Variants in GMDS observed in about 807,000 individuals in gnomAD.
The protein encoded by GMDS is GDP-mannose 4,6 dehydratase.
GMDS carries 20 observed loss-of-function variants against 49.9 expected under a neutral mutation model. That is an observed-to-expected ratio of 0.40 (90% confidence interval 0.28 to 0.58). The LOEUF is 0.58. Among genes scored for constraint, GMDS ranks in the 20% least tolerant of loss-of-function variants. The pLI is 0.42. For missense variants in GMDS, 362 were observed against 481.4 expected, an observed-to-expected ratio of 0.75 and a Z score of 2.32; for synonymous variants, 177 against 178.6, an observed-to-expected ratio of 0.99 and a Z score of 0.07.
chr6:1,888,642 A>G (rs1759729024), intron 7 of GMDS, among the ~76,000 whole-genome samples: 1 of 152,148 alleles, frequency 6.6e-6, no homozygotes, highest in African/African-American at 2.4e-5. Context: ...AGAACCAATC[A>G]TGCCTTCCCA....
chr6:2,114,358 T>C (rs1332185479), intron 4 of GMDS, among the ~76,000 whole-genome samples: 1 of 152,146 alleles, frequency 6.6e-6, no homozygotes, highest in Admixed American at 6.5e-5. Flanking sequence ...ACTTATAATG[T>C]GGAAGATAGA....
intron 4 of GMDS, among the ~76,000 whole-genome samples, chr6:1,972,058 G>A (rs1764641817): frequency 6.6e-6 from 1 of 152,000 alleles, no homozygotes; most frequent in South Asian, 2.1e-4. Flanking sequence ...GTTGAGTTCT[G>A]CACCCCGCAC....
intron 9 of GMDS, among the ~76,000 whole-genome samples, chr6:1,716,663 C>T (rs909501095): frequency 1.3e-5 from 2 of 152,066 alleles, no homozygotes; most frequent in Non-Finnish European, 2.9e-5. Context: ...TCAGGGTTCC[C>T]AGACTGGGCC....
chr6:2,191,136 C>G lies in GMDS; in HGVS notation c.102+54185G>C, dbSNP rs941772086. ...CAAGGGTGCCGTGTTCTTGCGCCCC[C>G]AGAGAGGACTCTGCACAGGGCCACC... On this transcript the variant is annotated intron_variant, in intron 1 of 10. Coordinates refer to ENST00000380815, the MANE Select transcript of GMDS (RefSeq NM_001500.4). This position sits in a 1 kb window ranked among gnomAD's most constrained non-coding sequence, Gnocchi z 4.6. 2.0e-5 allele frequency among the ~76,000 whole-genome samples: 3 copies of G among 152,250 alleles called. No homozygotes were observed. The South Asian group carries it at 6.2e-4, about 32-fold the overall frequency.
intron 4 of GMDS, among the ~76,000 whole-genome samples, chr6:2,046,878 C>A (rs933615707): frequency 4.6e-5 from 7 of 152,120 alleles, no homozygotes; most frequent in African/African-American, 1.7e-4. Context: ...CTGTTGGGGG[C>A]AGCGATAAAG....
At chr6:1,760,857 G>C (rs531990569) in intron 7 of GMDS, among the ~76,000 whole-genome samples, 1 of 151,986 alleles carries the variant, frequency 6.6e-6, no homozygotes, top group Non-Finnish European at 1.5e-5. Flanking sequence ...TTGTTCTTTC[G>C]GGTGGTCCAA....
chr6:1,999,948 TA>T (rs1462438996), intron 4 of GMDS, among the ~76,000 whole-genome samples: 9 of 49,704 alleles, frequency 1.8e-4, no homozygotes, highest in Middle Eastern at 8.3e-3. Flanking sequence ...ATATAATATA[TA>T]ATATGTATAT....
intron 4 of GMDS, among the ~76,000 whole-genome samples, chr6:2,112,485 C>T (rs1581666373): frequency 6.6e-6 from 1 of 152,072 alleles, no homozygotes; most frequent in African/African-American, 2.4e-5. Flanking sequence ...TCTGGACACA[C>T]CCTAAAAATG....
chr6:1,748,288 T>G (rs1409560044), intron 7 of GMDS, among the ~76,000 whole-genome samples: 1 of 152,182 alleles, frequency 6.6e-6, no homozygotes, highest in African/African-American at 2.4e-5. Flanking sequence ...TTCTTCTATT[T>G]ATCTTTGAAT....
chr6:2,108,747 G>A (rs1214490770), intron 4 of GMDS, among the ~76,000 whole-genome samples: 2 of 152,124 alleles, frequency 1.3e-5, no homozygotes, highest in Non-Finnish European at 2.9e-5. Flanking sequence ...TGCCCACCTC[G>A]GTATTCTCAG....
chr6:1,724,446 C>G (rs1766500436), intron 9 of GMDS, among the ~76,000 whole-genome samples: 1 of 152,102 alleles, frequency 6.6e-6, no homozygotes, highest in African/African-American at 2.4e-5. Flanking sequence ...TGTTCTGTGT[C>G]CTTATCAATC....
At chr6:2,220,675 T>C (rs1451049586) in intron 1 of GMDS, among the ~76,000 whole-genome samples, 1 of 152,062 alleles carries the variant, frequency 6.6e-6, no homozygotes, top group Non-Finnish European at 1.5e-5. Context: ...TTAAGGTATA[T>C]ATGAAGATAA....
chr6:2,014,273 C>T (rs891075162), intron 4 of GMDS, among the ~76,000 whole-genome samples: 1 of 150,660 alleles, frequency 6.6e-6, no homozygotes, highest in Admixed American at 6.6e-5. Context: ...AAACAACAAC[C>T]ATAAAAAAAA....
At chr6:2,165,520 G>A (rs79632135) in intron 1 of GMDS, among the ~76,000 whole-genome samples, 5,005 of 152,266 alleles carry the variant, frequency 0.033, 291 homozygotes, top group African/African-American at 0.11. Flanking sequence ...ATTAGGGAGG[G>A]CCATCTGTTA....
At chr6:1,838,640 G>C (rs972491962) in intron 7 of GMDS, among the ~76,000 whole-genome samples, 14 of 152,174 alleles carry the variant, frequency 9.2e-5, no homozygotes. Flanking sequence ...TACTGTGATT[G>C]GTATGAAGAG....
chr6:1,763,707 A>G (rs746731533), intron 7 of GMDS, among the ~76,000 whole-genome samples: 4 of 152,246 alleles, frequency 2.6e-5, no homozygotes, highest in Non-Finnish European at 5.9e-5. Flanking sequence ...GAACAATGGG[A>G]CATCCCAGTC....
At chr6:1,967,335 G>T (rs1429939546) in intron 4 of GMDS, among the ~76,000 whole-genome samples, 1 of 152,200 alleles carries the variant, frequency 6.6e-6, no homozygotes, top group African/African-American at 2.4e-5. Context: ...CCTTGGCACA[G>T]TATTTGCTGA....
At chr6:2,057,670 T>G (rs563738143) in intron 4 of GMDS, among the ~76,000 whole-genome samples, 1 of 152,188 alleles carries the variant, frequency 6.6e-6, no homozygotes, top group Non-Finnish European at 1.5e-5. Flanking sequence ...TCATCTGCTA[T>G]AGTAAAATTG....
intron 1 of GMDS, among the ~76,000 whole-genome samples, chr6:2,142,071 A>T (rs1465354805): frequency 6.6e-6 from 1 of 152,116 alleles, no homozygotes; most frequent in East Asian, 1.9e-4. Flanking sequence ...GGGGAGGTAA[A>T]TTATGGCACT....
Sources: allele counts gnomAD v4.1 joint callset (sites outside exome capture counted in the v4.1 genomes callset), GRCh38; gene constraint gnomAD v4.1.1; non-coding constraint Gnocchi (gnomAD v3.1); transcripts MANE v1.5; gene names NCBI Gene and HGNC (gene_info 2026-07-23, HGNC 2026-07-21).